MICAL3: variants seen among roughly 807,000 people sequenced by gnomAD.
MICAL3 encodes the protein microtubule associated monooxygenase, calponin and LIM domain containing 3.
MICAL3 carries 62 observed loss-of-function variants against 207.4 expected under a neutral mutation model. The ratio of observed to expected loss-of-function variants is 0.30; its 90% CI spans 0.24 to 0.37. MICAL3 has a LOEUF of 0.37. Ranked by LOEUF, MICAL3 falls within the 10% of genes least tolerant of loss-of-function variation. MICAL3 has a pLI of 1.00. For synonymous variants in MICAL3, 1,077 were observed against 1,069.3 expected, an observed-to-expected ratio of 1.01 and a Z score of -0.14; for missense variants, 2,368 against 2,635.6, an observed-to-expected ratio of 0.90 and a Z score of 2.22.
At chr22:17,821,542 G>A in intron 24 of MICAL3, 33 bp from the exon 25 acceptor site, 1 of 1,513,356 alleles carries the variant, frequency 6.6e-7, no homozygotes, top group Non-Finnish European at 8.9e-7. Context: ...CTTACAAGAG[G>A]AAGCCCCCCC....
At chr22:17,795,700 C>T (rs1006867326) in intron 29 of MICAL3, among the ~76,000 whole-genome samples, 3 of 152,220 alleles carry the variant, frequency 2.0e-5, no homozygotes, top group Non-Finnish European at 4.4e-5. Context: ...TGTGAGCGGC[C>T]GGCGAGTCCG....
intron 1 of MICAL3, among the ~76,000 whole-genome samples, chr22:17,959,920 A>G (rs1221473289): frequency 6.6e-6 from 1 of 152,214 alleles, no homozygotes; most frequent in Non-Finnish European, 1.5e-5. Context: ...TTTGACATGG[A>G]CGAAAAGCTC....
chr22:17,938,868 C>G (rs944167189), intron 1 of MICAL3, among the ~76,000 whole-genome samples: 2 of 152,196 alleles, frequency 1.3e-5, no homozygotes, highest in African/African-American at 4.8e-5. Flanking sequence ...AGCTCATGAT[C>G]TGCGTGAGTC....
chr22:17,929,726 C>T (rs946761956), intron 1 of MICAL3, among the ~76,000 whole-genome samples: 3 of 152,010 alleles, frequency 2.0e-5, no homozygotes, highest in African/African-American at 7.2e-5. Context: ...CGCCACCACG[C>T]CTGGCTAATT....
At chr22:17,911,167 A>G (rs5746492) in intron 1 of MICAL3, among the ~76,000 whole-genome samples, 27,780 of 152,122 alleles carry the variant, frequency 0.18, 2,609 homozygotes, top group East Asian at 0.26. Flanking sequence ...GGCACTGCAG[A>G]GACGGCCTCT....
At position 17,902,621 on chromosome 22, in the gene MICAL3, T is replaced by C. The variant is rs137901546; in HGVS notation, c.589+10A>G. 132 of 1,523,496 alleles carry C rather than the reference T, an allele frequency of 8.7e-5. No individual in the cohort carries two copies. The East Asian group carries it at 3.0e-3, about 34-fold the overall frequency. 94.4% of individuals were successfully genotyped at this position (1,523,496 alleles called of 1,614,324 possible). On this transcript the variant is annotated intron_variant, in intron 4 of 31. Transcript: ENST00000441493. The surrounding 1 kb of genome is among the most constrained non-coding windows in gnomAD (Gnocchi z 4.5). Reference sequence around the variant, plus strand: ...TCTCACGCCTTCTTCACTCCTCCAGTATAACTTACGTTCATTCTCTTGGTC... The same window carrying C: ...TCTCACGCCTTCTTCACTCCTCCAGCATAACTTACGTTCATTCTCTTGGTC...
At chr22:18,017,886 T>G (rs930567105) in intron 1 of MICAL3, among the ~76,000 whole-genome samples, 6 of 149,966 alleles carry the variant, frequency 4.0e-5, no homozygotes, top group African/African-American at 1.5e-4. Context: ...GAGTAGCTGG[T>G]ACTACAGGTG....
At chr22:17,801,665 G>A (rs987890801) in intron 29 of MICAL3, among the ~76,000 whole-genome samples, 4 of 151,350 alleles carry the variant, frequency 2.6e-5, no homozygotes, top group South Asian at 2.1e-4. Flanking sequence ...AGGCTGAGGC[G>A]GGCGGATCAC....
chr22:17,860,673 T>G (rs968412269), intron 19 of MICAL3: 6 of 985,238 alleles, frequency 6.1e-6, no homozygotes, highest in Non-Finnish European at 7.2e-6. Flanking sequence ...GTGAGGCGGG[T>G]GCCCGGCTCT....
intron 1 of MICAL3, among the ~76,000 whole-genome samples, chr22:17,938,040 G>A (rs1480114910): frequency 2.0e-5 from 3 of 152,126 alleles, no homozygotes; most frequent in Admixed American, 6.5e-5. Context: ...GCTGATTATA[G>A]TATCTATCTT....
chr22:17,893,030 C>T (rs550111744), intron 11 of MICAL3, among the ~76,000 whole-genome samples: 1 of 152,208 alleles, frequency 6.6e-6, no homozygotes, highest in South Asian at 2.1e-4. Context: ...GACACTGCTG[C>T]CCCCACTTCA....
chr22:17,877,122 G>A (rs1050863568), intron 16 of MICAL3, among the ~76,000 whole-genome samples: 23 of 112,598 alleles, frequency 2.0e-4, no homozygotes, highest in African/African-American at 6.0e-4. Context: ...GGTTAGGGAG[G>A]TTATGGAGGT....
intron 1 of MICAL3, among the ~76,000 whole-genome samples, chr22:17,948,968 G>A (rs894594873): frequency 1.3e-5 from 2 of 148,616 alleles, no homozygotes; most frequent in African/African-American, 5.0e-5. Flanking sequence ...CCAGCCCTTT[G>A]GGAGGCCAAG....
chr22:17,974,284 G>T (rs1935538584), intron 1 of MICAL3, among the ~76,000 whole-genome samples: 1 of 152,248 alleles, frequency 6.6e-6, no homozygotes, highest in South Asian at 2.1e-4. Flanking sequence ...ACTGCTGTGA[G>T]AAGTAAGTGA....
At chr22:17,979,172 TA>T (rs1335291723) in intron 1 of MICAL3, among the ~76,000 whole-genome samples, 1 of 151,816 alleles carries the variant, frequency 6.6e-6, no homozygotes, top group African/African-American at 2.4e-5. Flanking sequence ...AGACCCTGTC[TA>T]AAAAAACCCT....
chr22:17,867,604 G>A (rs1415734361), intron 17 of MICAL3, among the ~76,000 whole-genome samples: 1 of 152,202 alleles, frequency 6.6e-6, no homozygotes. Context: ...ACATGACCCA[G>A]GCCGCTCGGC....
chr22:17,818,517 G>T lies in MICAL3; in HGVS notation c.4144C>A (p.Pro1382Thr). 6.2e-7 allele frequency: 1 copy of T among 1,613,340 alleles called. No individual in the cohort carries two copies. The highest frequency in any genetic ancestry group is 1.1e-5 in the South Asian group (1 of 91,088). The change falls in exon 26 of 32, where the codon CCT (proline) becomes ACT (threonine). Residue 1382 changes from proline to threonine, a missense_variant. Around this residue, in one of 4 missense-constraint regions of MICAL3, gnomAD observed 1,770 missense variants for 1,863.2 expected, o/e 0.95. Transcript: ENST00000441493. ...PQDEGLHLLKPLSIPKRLGLP... is the reference protein window; with the variant it reads ...PQDEGLHLLKTLSIPKRLGLP... Reference sequence around the variant, plus strand: ...CCCAGCCTTTTGGGGATGGACAGAGGCTTGAGAAGGTGGAGTCCCTCATCC... The same window carrying T: ...CCCAGCCTTTTGGGGATGGACAGAGTCTTGAGAAGGTGGAGTCCCTCATCC...
At chr22:17,820,838 T>A (rs942543795) in intron 25 of MICAL3, among the ~76,000 whole-genome samples, 2 of 147,326 alleles carry the variant, frequency 1.4e-5, no homozygotes, top group African/African-American at 4.9e-5. Flanking sequence ...ATATTATAAA[T>A]TTATAAAAAA....
rs1341630371 is a variant in MICAL3 at position 17,790,183 on chromosome 22, T to A, written c.*549A>T. The A allele has an allele frequency of 3.3e-5, 5 of 152,960 alleles. No homozygotes were observed. Among genetic ancestry groups the A allele is most frequent in the African/African-American group, 1.2e-4 (5 of 41,442 alleles). 9.5% of individuals were successfully genotyped at this position (152,960 alleles called of 1,614,324 possible). A position where few individuals can be genotyped will look rare whatever the true frequency, so the allele number is the denominator to read the frequency against. On this transcript the variant is annotated 3_prime_UTR_variant, in exon 32 of 32. Transcript: ENST00000441493. ...TGCGTCCTCCTAATTTGCATAATAA[T>A]TCAGGAGCCTGCCCGCACCTCCATG...
Sources: gnomAD v4.1 joint callset for allele counts (sites outside exome capture counted in the v4.1 genomes callset) on GRCh38, gnomAD v4.1.1 for gene constraint, gnomAD v4.1.1 regional missense constraint, Gnocchi (gnomAD v3.1) non-coding constraint, MANE v1.5 for transcripts, NCBI Gene and HGNC (gene_info 2026-07-23, HGNC 2026-07-21) for gene names.